DNAJC1: variants seen among roughly 807,000 people sequenced by gnomAD.
The protein encoded by DNAJC1 is dnaJ homolog subfamily C member 1.
DNAJC1 carries 58 observed loss-of-function variants against 76.6 expected under a neutral mutation model. That is an observed-to-expected ratio of 0.76 (90% CI 0.61 to 0.94). The LOEUF is 0.94. Ranked by LOEUF, DNAJC1 falls within the 40% of genes least tolerant of loss-of-function variation. DNAJC1 has a pLI of 0.00. For synonymous variants in DNAJC1, 258 were observed against 267.9 expected (o/e 0.96, Z 0.36); for missense variants, 689 against 677.3 (o/e 1.02, Z -0.19).
At chr10:21,988,712 TAAG>T (rs1838285036) in intron 1 of DNAJC1, among the ~76,000 whole-genome samples, 1 of 152,164 alleles carries the variant, frequency 6.6e-6, no homozygotes, top group African/African-American at 2.4e-5. Flanking sequence ...AGACTGATTA[TAAG>T]AAAACAAATG....
At chr10:21,823,637 C>T (rs917232015) in intron 8 of DNAJC1, among the ~76,000 whole-genome samples, 2 of 151,770 alleles carry the variant, frequency 1.3e-5, no homozygotes, top group African/African-American at 4.8e-5. Flanking sequence ...TACATATAAA[C>T]CAAGGGTGTC....
rs140527207 is a variant in DNAJC1, at chr10:21,909,559, G to T, written c.730-4947C>A. Among the ~76,000 whole-genome samples, 1,465 of 152,278 alleles carry T rather than the reference G, an allele frequency of 9.6e-3. 11 individuals carry two copies. The highest frequency in any genetic ancestry group is 0.014 in the Non-Finnish European group (949 of 68,018). The stretch of plus-strand genomic sequence containing the variant: ...CCTGCCCCGGCACAAAGTAAATAAT[G>T]CAATCAATAAATAAAGTTTGTTGAA... On this transcript the variant is annotated intron_variant, in intron 6 of 11. Coordinates refer to ENST00000376980, the MANE Select transcript of DNAJC1 (RefSeq NM_022365.4).
chr10:21,837,738 G>A (rs1051356537), intron 8 of DNAJC1, among the ~76,000 whole-genome samples: 2 of 151,440 alleles, frequency 1.3e-5, no homozygotes, highest in East Asian at 2.0e-4. Flanking sequence ...CGGGAAGTGA[G>A]GAGCCCCTCT....
In DNAJC1 at chr10:21,790,160, A is replaced by T. The variant is rs1042054532; in HGVS notation, c.1098+15820T>A. Among the ~76,000 whole-genome samples, 3 of 135,382 alleles carry T rather than the reference A, an allele frequency of 2.2e-5. No individual in the cohort carries two copies. In the South Asian group the frequency reaches 6.8e-4, roughly 31 times the overall value. The allele number at this position is 135,382 out of a possible 152,430, so 88.8% of individuals were successfully genotyped here. A position where few individuals can be genotyped will look rare whatever the true frequency, so the allele number is the denominator to read the frequency against. ...AAAAAAAGCAAAAAATCAAAAAAGT[A>T]AAAAAAAAAAGCTTACAAGACTTAT... is the stretch of plus-strand genomic sequence containing the variant. On this transcript the variant is annotated intron_variant, in intron 9 of 11. Coordinates refer to ENST00000376980, the MANE Select transcript of DNAJC1 (RefSeq NM_022365.4).
chr10:21,893,071 C>T (rs2131733189), intron 7 of DNAJC1, among the ~76,000 whole-genome samples: 1 of 152,298 alleles, frequency 6.6e-6, no homozygotes, highest in African/African-American at 2.4e-5. Flanking sequence ...GCAGAATACA[C>T]ATTCTTTTCA....
At chr10:21,892,405 T>C (rs1054313704) in intron 7 of DNAJC1, among the ~76,000 whole-genome samples, 39 of 151,662 alleles carry the variant, frequency 2.6e-4, no homozygotes, top group Non-Finnish European at 2.4e-4. Flanking sequence ...TTTTTACATA[T>C]ATATGCTATT....
intron 1 of DNAJC1, among the ~76,000 whole-genome samples, chr10:21,965,410 T>C (rs919756746): frequency 3.9e-5 from 6 of 152,314 alleles, no homozygotes; most frequent in African/African-American, 9.6e-5. Context: ...GAAACTCACA[T>C]TGATGCAATA....
intron 6 of DNAJC1, among the ~76,000 whole-genome samples, chr10:21,907,134 T>A (rs189911496): frequency 6.6e-6 from 1 of 152,252 alleles, no homozygotes; most frequent in East Asian, 1.9e-4. Flanking sequence ...CCACTAAAAC[T>A]TCCTCTTTGA....
intron 8 of DNAJC1, among the ~76,000 whole-genome samples, chr10:21,859,337 C>T (rs893588813): frequency 3.9e-5 from 6 of 152,040 alleles, no homozygotes; most frequent in Admixed American, 2.6e-4. Flanking sequence ...ACAATGTCCC[C>T]GATATTCAAA....
intron 9 of DNAJC1, among the ~76,000 whole-genome samples, chr10:21,789,626 AATC>A (rs1192860277): frequency 6.6e-6 from 1 of 152,244 alleles, no homozygotes; most frequent in Non-Finnish European, 1.5e-5. Context: ...TAGGAAAAAA[AATC>A]ATGATATAAA....
intron 9 of DNAJC1, among the ~76,000 whole-genome samples, chr10:21,791,074 T>G (rs1035454829): frequency 1.1e-4 from 16 of 152,056 alleles, no homozygotes; most frequent in African/African-American, 3.6e-4. Context: ...TGAGAAGACA[T>G]AGCTATATTT....
At chr10:21,994,505 T>C (rs576240827) in intron 1 of DNAJC1, among the ~76,000 whole-genome samples, 3 of 152,238 alleles carry the variant, frequency 2.0e-5, no homozygotes, top group Admixed American at 6.5e-5. Flanking sequence ...ACATAAGAAG[T>C]TGGCCAGGCG....
chr10:21,835,322 T>A (rs1313023758), intron 8 of DNAJC1, among the ~76,000 whole-genome samples: 1 of 152,066 alleles, frequency 6.6e-6, no homozygotes, highest in African/African-American at 2.4e-5. Flanking sequence ...CAAAAACCCA[T>A]CTGTACGTCA....
At chr10:22,001,352 A>G (rs1237362209) in intron 1 of DNAJC1, among the ~76,000 whole-genome samples, 2 of 152,220 alleles carry the variant, frequency 1.3e-5, no homozygotes, top group Non-Finnish European at 2.9e-5. Flanking sequence ...GTTAAGATTC[A>G]ATGTAAAGAA....
chr10:21,848,559 T>G (rs1017915066), intron 8 of DNAJC1, among the ~76,000 whole-genome samples: 1 of 152,214 alleles, frequency 6.6e-6, no homozygotes, highest in Non-Finnish European at 1.5e-5. Flanking sequence ...AACCCCACTT[T>G]CAATATGGAT....
intron 1 of DNAJC1, among the ~76,000 whole-genome samples, chr10:21,963,999 T>A (rs1054865516): frequency 5.3e-5 from 8 of 152,330 alleles, no homozygotes; most frequent in Admixed American, 4.6e-4. Context: ...TCCCCACACA[T>A]TTTTGGAAGT....
chr10:21,902,125 A>T (rs1293312233), intron 7 of DNAJC1, among the ~76,000 whole-genome samples: 1 of 152,160 alleles, frequency 6.6e-6, no homozygotes, highest in Non-Finnish European at 1.5e-5. Flanking sequence ...CAAGATAACA[A>T]TCTTATTATT....
At chr10:21,834,989 C>T (rs903336926) in intron 8 of DNAJC1, among the ~76,000 whole-genome samples, 1 of 152,184 alleles carries the variant, frequency 6.6e-6, no homozygotes. Flanking sequence ...GTGGTTCTCC[C>T]AGCACGCAGC....
At chr10:21,758,021 T>C (rs1834195924) in intron 11 of DNAJC1, among the ~76,000 whole-genome samples, 1 of 152,168 alleles carries the variant, frequency 6.6e-6, no homozygotes, top group South Asian at 2.1e-4. Context: ...GTAGAATAGT[T>C]ACTTCTGCAA....
Sources: gnomAD v4.1 joint callset for allele counts (sites outside exome capture counted in the v4.1 genomes callset) on GRCh38, gnomAD v4.1.1 for gene constraint, MANE v1.5 for transcripts, NCBI Gene and HGNC (gene_info 2026-07-23, HGNC 2026-07-21) for gene names.